The following CYB5R3 variants were observed in gnomAD, a reference collection of about 807,000 sequenced individuals.
CYB5R3 encodes the protein cytochrome b5 reductase 3.
A neutral mutation model predicts 36.5 loss-of-function variants in CYB5R3; 28 were observed. That is an observed-to-expected ratio of 0.77 (90% CI 0.57 to 1.05). The LOEUF is 1.05. CYB5R3 is among the 50% of genes least tolerant of loss of function. The probability of loss-of-function intolerance (pLI) is 0.00; values close to 1 mark genes in which losing one functional copy is unlikely to be tolerated. For missense variants in CYB5R3, 474 were observed against 408.9 expected (o/e 1.16, Z -1.37); for synonymous variants, 181 against 159.8 (o/e 1.13, Z -1.00).
At chr22:42,631,653 C>T (rs1325563178) in intron 2 of CYB5R3, 2 of 623,354 alleles carry the variant, frequency 3.2e-6, no homozygotes, top group East Asian at 5.5e-5. Flanking sequence ...AGGCCAGGCG[C>T]ACGCTGGGTG....
In CYB5R3 at chr22:42,636,616, A is replaced by G. The variant is rs571518931; in HGVS notation, c.153+99T>C. On this transcript the variant is annotated intron_variant, in intron 2 of 8. Transcript: ENST00000352397. ...TTCTCCATCTGTAAAATGGGTGGAC[A>G]ACAGTATCTACTTCAGAGCAGGACC... 142 of 1,537,078 alleles carry G rather than the reference A, an allele frequency of 9.2e-5. 1 individual carries two copies. The African/African-American group carries it at 1.6e-3, about 17-fold the overall frequency.
chr22:42,639,698 T>C (rs1396409471), intron 1 of CYB5R3: 2 of 403,034 alleles, frequency 5.0e-6, no homozygotes, highest in Non-Finnish European at 9.0e-6. Context: ...TTTCCTGTAA[T>C]TATTCTGTGG....
At chr22:42,637,819 A>G (rs1928976329) in intron 1 of CYB5R3, among the ~76,000 whole-genome samples, 1 of 152,218 alleles carries the variant, frequency 6.6e-6, no homozygotes, top group Non-Finnish European at 1.5e-5. Context: ...CACAGCTGGC[A>G]GGTGAGGAGC....
chr22:42,644,184 C>G (rs983811971), intron 1 of CYB5R3, among the ~76,000 whole-genome samples: 2 of 152,132 alleles, frequency 1.3e-5, no homozygotes, highest in African/African-American at 4.8e-5. Flanking sequence ...TGAGCCACCT[C>G]CCAGGACAGG....
chr22:42,640,015 AACC>A (rs1209353550), intron 1 of CYB5R3: 1 of 1,613,176 alleles, frequency 6.2e-7, no homozygotes. Flanking sequence ...TCTGACATAA[AACC>A]ACGTCGACAC....
At chr22:42,637,653 C>T (rs1182712537) in intron 1 of CYB5R3, among the ~76,000 whole-genome samples, 5 of 152,100 alleles carry the variant, frequency 3.3e-5, no homozygotes, top group Non-Finnish European at 4.4e-5. Flanking sequence ...CCCTACAGCT[C>T]AGATCACCAA....
At chr22:42,644,626 T>G in intron 1 of CYB5R3, 1 of 1,456,748 alleles carries the variant, frequency 6.9e-7, no homozygotes, top group Non-Finnish European at 9.1e-7. Context: ...CTGGGGCAAG[T>G]ACTATTCCGA....
Position 42,619,475 on chromosome 22 carries a change from T to C in CYB5R3, c.*298A>G, listed in dbSNP as rs1405068157. On this transcript the variant is annotated 3_prime_UTR_variant, in exon 9 of 9. Transcript: ENST00000352397. ...GGGCTGCTGGCAGCCCTCAGCCTTA[T>C]AGTGTGTGTGGGGGGTGGACGAGGG... The C allele has an allele frequency of 1.3e-5, 6 of 460,684 alleles. No homozygotes were observed. The highest frequency in any genetic ancestry group is 7.3e-5 in the South Asian group (3 of 41,278). The allele number at this position is 460,684 out of a possible 1,614,324, so 28.5% of individuals were successfully genotyped here. A position where few individuals can be genotyped will look rare whatever the true frequency, so the allele number is the denominator to read the frequency against.
chr22:42,627,177 G>GC (rs1928313483), intron 7 of CYB5R3, 127 bp downstream of exon 7: 7 of 823,316 alleles, frequency 8.5e-6, no homozygotes, highest in South Asian at 4.3e-5. Flanking sequence ...AACATTCAGG[G>GC]CCCCCCATCC....
In CYB5R3 at chr22:42,627,494, G is replaced by C. The variant is rs943804291; in HGVS notation, c.548-105C>G. On this transcript the variant is annotated intron_variant, in intron 6 of 8. Coordinates refer to ENST00000352397, the MANE Select transcript of CYB5R3 (RefSeq NM_000398.7). ...TGGAGGGGCCAGGACCACTGGGCCT[G>C]GGCCCCTGACCTCTGGTAGCTCCCA... 80 of 1,459,658 alleles carry C rather than the reference G, an allele frequency of 5.5e-5. 4 individuals carry two copies. In the Middle Eastern group the frequency reaches 1.5e-3, roughly 26 times the overall value. 90.4% of individuals were successfully genotyped at this position (1,459,658 alleles called of 1,614,324 possible).
chr22:42,624,992 G>A lies in CYB5R3; in HGVS notation c.634-1104C>T, dbSNP rs115785162. Among the ~76,000 whole-genome samples the A allele has an allele frequency of 5.3e-3, 813 of 152,288 alleles. 10 individuals are homozygous for A. The highest frequency in any genetic ancestry group is 0.018 in the African/African-American group (729 of 41,556). On this transcript the variant is annotated intron_variant, in intron 7 of 8. Transcript: ENST00000352397. ...CTCAACACATCCCAGGGAACACGGG[G>A]TGTTGAACAGTTTTTCCAGTTTCTG...
intron 1 of CYB5R3, among the ~76,000 whole-genome samples, chr22:42,640,887 C>CTTTATTTATATT (rs1929233023): frequency 1.3e-5 from 2 of 152,012 alleles, no homozygotes; most frequent in African/African-American, 4.8e-5. Flanking sequence ...GAGACGGAGT[C>CTTTATTTATATT]TTGCTGTCAC....
chr22:42,649,389 C>T lies in CYB5R3; in HGVS notation c.-74G>A. The T allele has an allele frequency of 2.0e-6, 1 of 498,386 alleles. No individual in the cohort carries two copies. The highest frequency in any genetic ancestry group is 7.7e-5 in the South Asian group (1 of 13,000). The allele number at this position is 498,386 out of a possible 1,614,324, so 30.9% of individuals were successfully genotyped here. A position where few individuals can be genotyped will look rare whatever the true frequency, so the allele number is the denominator to read the frequency against. On this transcript the variant is annotated 5_prime_UTR_variant, in exon 1 of 9. The change creates a new upstream start codon in the 5' untranslated region. Transcript: ENST00000352397. ...GACCGTCGCGCCCGGGCCCGCGTCA[C>T]TCCGGAGCAGGGGCGGGGCCGAGGG...
chr22:42,619,700 G>C lies in CYB5R3; in HGVS notation c.*73C>G. On this transcript the variant is annotated 3_prime_UTR_variant, in exon 9 of 9. Transcript: ENST00000352397. Reference sequence around the variant, plus strand: ...ACCCGGGGCCCCAGTGTGCGATGTGGGGAGGTGACTGGGTGAGCGTGAACA... The same window carrying C: ...ACCCGGGGCCCCAGTGTGCGATGTGCGGAGGTGACTGGGTGAGCGTGAACA... 6.9e-7 allele frequency: 1 copy of C among 1,446,340 alleles called. No homozygotes were observed. The highest frequency in any genetic ancestry group is 1.3e-5 in the South Asian group (1 of 76,298). The allele number at this position is 1,446,340 out of a possible 1,614,324, so 89.6% of individuals were successfully genotyped here. A position where few individuals can be genotyped will look rare whatever the true frequency, so the allele number is the denominator to read the frequency against.
At chr22:42,649,211 CT>C in intron 1 of CYB5R3, 83 bp downstream of exon 1, 1 of 616,870 alleles carries the variant, frequency 1.6e-6, no homozygotes, top group Non-Finnish European at 2.1e-6. Context: ...CCCGCGTCAC[CT>C]CCCGCAGGCC....
At chr22:42,628,054 C>G in intron 5 of CYB5R3, 98 bp downstream of exon 5, 3 of 1,531,470 alleles carry the variant, frequency 2.0e-6, no homozygotes, top group Non-Finnish European at 2.7e-6. Context: ...AGTCACCCAT[C>G]CACACAGAGC....
At chr22:42,639,341 G>C (rs1165719508) in intron 1 of CYB5R3, among the ~76,000 whole-genome samples, 2 of 108,718 alleles carry the variant, frequency 1.8e-5, no homozygotes, top group East Asian at 2.9e-4. Context: ...AAAAAAGTGG[G>C]GGGGGACCGG....
At chr22:42,623,752 C>T in intron 8 of CYB5R3, 37 bp downstream of exon 8, 1 of 1,554,428 alleles carries the variant, frequency 6.4e-7, no homozygotes, top group Non-Finnish European at 8.9e-7. Flanking sequence ...TGGGCTGGCA[C>T]CTCCCACCCA....
Position 42,628,239 on chromosome 22 carries a change from T to G in CYB5R3, c.376A>C (p.Lys126Gln). 4 of 1,614,108 alleles carry G rather than the reference T, an allele frequency of 2.5e-6. No individual in the cohort carries two copies. The highest frequency in any genetic ancestry group is 3.4e-6 in the Non-Finnish European group (4 of 1,179,988). The change falls in exon 5 of 9, where the codon AAG (lysine) becomes CAG (glutamine). Residue 126 changes from lysine (K) to glutamine (Q), a missense_variant. Transcript: ENST00000352397. ...ATGCTCTCCAGGTACTGAGACATCTTCCCTCCAGCGGGAAACTTGGGATGG... is the reference window on the plus strand; with the variant it reads ...ATGCTCTCCAGGTACTGAGACATCTGCCCTCCAGCGGGAAACTTGGGATGG... ...DTHPKFPAGG[K>Q]MSQYLESMQI... is the part of the protein sequence containing the mutation.
Sources: gnomAD v4.1 joint callset for allele counts (sites outside exome capture counted in the v4.1 genomes callset) on GRCh38, gnomAD v4.1.1 for gene constraint, MANE v1.5 for transcripts, NCBI Gene and HGNC (gene_info 2026-07-23, HGNC 2026-07-21) for gene names.